The following ALPK1 variants were observed in gnomAD, a reference collection of about 807,000 sequenced individuals.
ALPK1 encodes the protein alpha kinase 1, also known as alpha-protein kinase 1.
ALPK1 carries 110 observed loss-of-function variants against 120.6 expected under a neutral mutation model. That is an observed-to-expected ratio of 0.91 (90% CI 0.78 to 1.07). ALPK1 has a LOEUF of 1.07. Among genes scored for constraint, ALPK1 ranks in the 50% least tolerant of loss-of-function variants. ALPK1 has a pLI of 0.00. For synonymous variants in ALPK1, 582 were observed against 560.3 expected (o/e 1.04, Z -0.55); for missense variants, 1,498 against 1,483.9 (o/e 1.01, Z -0.16).
intron 2 of ALPK1, among the ~76,000 whole-genome samples, chr4:112,367,546 G>A (rs996445138): frequency 1.3e-5 from 2 of 151,950 alleles, no homozygotes; most frequent in Non-Finnish European, 2.9e-5. Flanking sequence ...AAAATATAGG[G>A]GCAAATGTGC....
intron 2 of ALPK1, among the ~76,000 whole-genome samples, chr4:112,369,658 G>A (rs961167321): frequency 5.3e-5 from 8 of 152,072 alleles, no homozygotes; most frequent in Non-Finnish European, 1.0e-4. Context: ...ACTCCAGCCT[G>A]GGTGACAGAG....
chr4:112,297,719 T>G (rs1399795322), intron 1 of ALPK1, among the ~76,000 whole-genome samples: 3 of 152,042 alleles, frequency 2.0e-5, no homozygotes, highest in African/African-American at 7.2e-5. Context: ...TGGTAAACTG[T>G]AGTCATTATG....
At chr4:112,367,423 ATTTT>A (rs200043658) in intron 2 of ALPK1, among the ~76,000 whole-genome samples, 1 of 152,032 alleles carries the variant, frequency 6.6e-6, no homozygotes, top group South Asian at 2.1e-4. Context: ...ATGATAAAAG[ATTTT>A]TTTTATGTAA....
At chr4:112,398,860 G>A (rs1030644006) in intron 4 of ALPK1, among the ~76,000 whole-genome samples, 2 of 152,116 alleles carry the variant, frequency 1.3e-5, no homozygotes, top group Non-Finnish European at 2.9e-5. Flanking sequence ...TGATGGATTG[G>A]GTGTAGAGGA....
chr4:112,430,543 T>A lies in ALPK1; in HGVS notation c.996T>A (p.Phe332Leu), dbSNP rs975930479. ...NLHLCEAKEAFEIGLLTKRDD... is the reference protein window; with the variant it reads ...NLHLCEAKEALEIGLLTKRDD... Reference sequence around the variant, plus strand: ...ATCTGTGTGAAGCCAAAGAGGCCTTTGAGATTGGCCTCCTCACCAAGAGAG... The same window carrying A: ...ATCTGTGTGAAGCCAAAGAGGCCTTAGAGATTGGCCTCCTCACCAAGAGAG... The change falls in exon 11 of 16, where the codon TTT becomes TTA. Residue 332 changes from phenylalanine to leucine, a missense_variant. Coordinates refer to ENST00000650871, the MANE Select transcript of ALPK1 (RefSeq NM_025144.4). The A allele has an allele frequency of 1.2e-6, 2 of 1,613,882 alleles. No homozygotes were observed. The highest frequency in any genetic ancestry group is 1.7e-5 in the Admixed American group (1 of 60,012).
Position 112,431,587 on chromosome 4 carries a change from A to C in ALPK1, c.2040A>C (p.Pro680=), listed in dbSNP as rs775543446. Residue 680 remains proline (P), a synonymous_variant, in exon 11 of 16, where the codon CCA becomes CCC. Coordinates refer to ENST00000650871, the MANE Select transcript of ALPK1 (RefSeq NM_025144.4). ...PLTPFSPHNT[P]GIFLAPGAGL... Reference sequence around the variant, plus strand: ...CACCCTTCTCGCCTCATAATACCCCAGGCATTTTCTTGGCCCCTGGTGCAG... The same window carrying C: ...CACCCTTCTCGCCTCATAATACCCCCGGCATTTTCTTGGCCCCTGGTGCAG... 1 of 1,614,184 alleles carries C rather than the reference A, an allele frequency of 6.2e-7. No homozygotes were observed. The highest frequency in any genetic ancestry group is 1.1e-5 in the South Asian group (1 of 91,082).
At chr4:112,430,013 G>T (rs899750027) in intron 10 of ALPK1, among the ~76,000 whole-genome samples, 2 of 152,134 alleles carry the variant, frequency 1.3e-5, no homozygotes, top group Non-Finnish European at 2.9e-5. Context: ...ATGCACAGAT[G>T]CATTCGGAAA....
At chr4:112,373,586 A>G (rs980098733) in intron 2 of ALPK1, among the ~76,000 whole-genome samples, 2 of 152,242 alleles carry the variant, frequency 1.3e-5, no homozygotes, top group Non-Finnish European at 2.9e-5. Context: ...AGAAGCAAGT[A>G]TCACAATAAA....
chr4:112,426,430 C>T, intron 7 of ALPK1, 37 bp from the exon 8 acceptor site: 1 of 1,542,234 alleles, frequency 6.5e-7, no homozygotes, highest in Non-Finnish European at 8.9e-7. Flanking sequence ...AGCTGTTCCT[C>T]CCCTGTCCCT....
intron 2 of ALPK1, among the ~76,000 whole-genome samples, chr4:112,355,767 C>G (rs1165641948): frequency 6.6e-6 from 1 of 152,240 alleles, no homozygotes; most frequent in East Asian, 1.9e-4. Context: ...CGTGGGGTAA[C>G]AGTTTCCTCC....
At chr4:112,393,226 C>A (rs979241130) in intron 4 of ALPK1, among the ~76,000 whole-genome samples, 1 of 152,150 alleles carries the variant, frequency 6.6e-6, no homozygotes, top group African/African-American at 2.4e-5. Context: ...CACTGTGTGC[C>A]CAGAAGGAGA....
chr4:112,309,420 TG>T (rs1728293036), intron 1 of ALPK1, among the ~76,000 whole-genome samples: 1 of 152,162 alleles, frequency 6.6e-6, no homozygotes, highest in African/African-American at 2.4e-5. Flanking sequence ...CAGGCTGCTT[TG>T]TTTAGCTACT....
At chr4:112,391,472 T>A (rs1732414784) in intron 4 of ALPK1, among the ~76,000 whole-genome samples, 1 of 152,230 alleles carries the variant, frequency 6.6e-6, no homozygotes, top group African/African-American at 2.4e-5. Context: ...CATTAAAGTC[T>A]TATCCCTCGG....
At chr4:112,334,103 A>G (rs969692303) in intron 2 of ALPK1, among the ~76,000 whole-genome samples, 4 of 152,174 alleles carry the variant, frequency 2.6e-5, no homozygotes, top group Non-Finnish European at 5.9e-5. Context: ...CCTCTAAAGC[A>G]TGCTTTAGAT....
chr4:112,334,187 C>T (rs559662947), intron 2 of ALPK1, among the ~76,000 whole-genome samples: 2 of 152,228 alleles, frequency 1.3e-5, no homozygotes, highest in African/African-American at 4.8e-5. Context: ...AATCCCAGCA[C>T]TTTGGGAAGC....
intron 4 of ALPK1, among the ~76,000 whole-genome samples, chr4:112,386,212 C>T (rs1732144227): frequency 6.6e-6 from 1 of 152,188 alleles, no homozygotes; most frequent in Non-Finnish European, 1.5e-5. Context: ...GCTCTCCTCC[C>T]CTCCTCCCTG....
chr4:112,438,866 C>T (rs1734903741), intron 13 of ALPK1, among the ~76,000 whole-genome samples: 1 of 152,194 alleles, frequency 6.6e-6, no homozygotes, highest in Non-Finnish European at 1.5e-5. Context: ...CTGTTGGCCT[C>T]ACCCCTTGCA....
rs75770705 is a variant in ALPK1, at chr4:112,407,623, G to A, written c.277-4204G>A. Among the ~76,000 whole-genome samples, 56 of 152,294 alleles carry A rather than the reference G, an allele frequency of 3.7e-4. No homozygotes were observed. In the East Asian group the frequency reaches 7.9e-3, roughly 21 times the overall value. On this transcript the variant is annotated intron_variant, in intron 4 of 15. Transcript: ENST00000650871. The stretch of plus-strand genomic sequence containing the variant: ...TTCCTTTTCTCGTTTAGATTTTAGA[G>A]TTACTATAAAATTTAAATGTCATAG...
At chr4:112,312,301 T>C (rs1578452958) in intron 1 of ALPK1, among the ~76,000 whole-genome samples, 1 of 151,860 alleles carries the variant, frequency 6.6e-6, no homozygotes. Context: ...TGAGATGGAG[T>C]CTTGCTCTGT....
Sources: allele counts gnomAD v4.1 joint callset (sites outside exome capture counted in the v4.1 genomes callset), GRCh38; gene constraint gnomAD v4.1.1; transcripts MANE v1.5; gene names NCBI Gene and HGNC (gene_info 2026-07-23, HGNC 2026-07-21).